Variants in CRYL1 observed in about 807,000 individuals in gnomAD.
CRYL1 encodes the protein lambda-crystallin homolog.
CRYL1 carries 29 observed loss-of-function variants against 36.6 expected under a neutral mutation model. The observed-to-expected ratio is 0.79, with a 90% CI of 0.59 to 1.08. The LOEUF is 1.08. Ranked by LOEUF, CRYL1 falls within the 50% of genes least tolerant of loss-of-function variation. CRYL1 has a pLI of 0.00. For missense variants in CRYL1, 411 were observed against 407.9 expected (o/e 1.01, Z -0.06); for synonymous variants, 152 against 151.5 (o/e 1.00, Z -0.02).
chr13:20,404,374 C>G (rs562206670), intron 7 of CRYL1, 132 bp from the exon 8 acceptor site: 2 of 650,010 alleles, frequency 3.1e-6, no homozygotes, highest in South Asian at 3.8e-5. Flanking sequence ...CCTCAATGAA[C>G]AGCAGCTTTC....
intron 4 of CRYL1, 71 bp downstream of exon 4, chr13:20,439,522 A>AAAAAAAAT: frequency 3.2e-6 from 3 of 937,872 alleles, no homozygotes; most frequent in Non-Finnish European, 3.0e-6. Context: ...CGCAAAAAAA[A>AAAAAAAAT]AAAAAAAAGA....
At chr13:20,450,917 T>A (rs898451048) in intron 3 of CRYL1, among the ~76,000 whole-genome samples, 26 of 152,168 alleles carry the variant, frequency 1.7e-4, no homozygotes, top group African/African-American at 6.0e-4. Flanking sequence ...TGTAGGGACA[T>A]GGATGAAGCT....
Position 20,525,840 on chromosome 13 carries a change from G to A in CRYL1, c.-46C>T, listed in dbSNP as rs1353745823. 4 of 1,211,014 alleles carry A rather than the reference G, an allele frequency of 3.3e-6. No homozygotes were observed. Among genetic ancestry groups the A allele is most frequent in the Admixed American group, 8.7e-5 (2 of 22,910 alleles). The allele number at this position is 1,211,014 out of a possible 1,614,324, so 75.0% of individuals were successfully genotyped here. On this transcript the variant is annotated 5_prime_UTR_variant, in exon 1 of 8. Coordinates refer to ENST00000298248, the MANE Select transcript of CRYL1 (RefSeq NM_015974.3). The surrounding 1 kb of genome is among the most constrained non-coding windows in gnomAD (Gnocchi z 4.3). ...GCCGCGGGCGCTGGGACCAGGCGCC[G>A]GCGGAGCTGCGAGCTCTGGGCTCCG...
At chr13:20,440,871 G>A (rs750598293) in intron 3 of CRYL1, among the ~76,000 whole-genome samples, 8 of 152,180 alleles carry the variant, frequency 5.3e-5, no homozygotes, top group Admixed American at 2.0e-4. Flanking sequence ...ACCGCTCTGA[G>A]ATTCTAATTA....
chr13:20,492,296 G>C (rs1427138165), intron 2 of CRYL1, among the ~76,000 whole-genome samples: 3 of 152,172 alleles, frequency 2.0e-5, no homozygotes, highest in Non-Finnish European at 4.4e-5. Flanking sequence ...CGTGTCAAAT[G>C]AGTCAATTGT....
At chr13:20,492,110 G>A (rs1400258547) in intron 2 of CRYL1, among the ~76,000 whole-genome samples, 4 of 152,148 alleles carry the variant, frequency 2.6e-5, no homozygotes, top group Non-Finnish European at 5.9e-5. Context: ...AGCATCAACA[G>A]CACTCAGCAC....
chr13:20,409,159 T>A (rs2031454887), intron 6 of CRYL1, among the ~76,000 whole-genome samples: 2 of 151,560 alleles, frequency 1.3e-5, no homozygotes, highest in Non-Finnish European at 2.9e-5. Context: ...GAGATATAGA[T>A]CAATGGAACA....
intron 1 of CRYL1, among the ~76,000 whole-genome samples, chr13:20,518,291 G>T (rs952576311): frequency 4.6e-5 from 7 of 152,166 alleles, no homozygotes; most frequent in African/African-American, 1.7e-4. Flanking sequence ...GGGGAGTAGG[G>T]ACTGAGAGGC....
chr13:20,430,213 T>A (rs2032027430), intron 5 of CRYL1: 1 of 984,406 alleles, frequency 1.0e-6, no homozygotes, highest in African/African-American at 1.7e-5. Context: ...TCTTCTAGAC[T>A]TTCACCAAGG....
intron 3 of CRYL1, among the ~76,000 whole-genome samples, chr13:20,442,176 A>G (rs2032365751): frequency 6.6e-6 from 1 of 152,246 alleles, no homozygotes; most frequent in South Asian, 2.1e-4. Flanking sequence ...CCTGTCATGC[A>G]GATTCTCCCT....
intron 6 of CRYL1, among the ~76,000 whole-genome samples, chr13:20,412,117 T>A (rs1260375016): frequency 6.6e-6 from 1 of 152,024 alleles, no homozygotes; most frequent in African/African-American, 2.4e-5. Context: ...GGCAACCACA[T>A]CCCCTTTTCA....
chr13:20,449,169 A>C (rs958199793), intron 3 of CRYL1, among the ~76,000 whole-genome samples: 2 of 152,224 alleles, frequency 1.3e-5, no homozygotes, highest in Non-Finnish European at 2.9e-5. Context: ...CTCACACTAG[A>C]AATGAAATAA....
At position 20,415,544 on chromosome 13, in the gene CRYL1, A is replaced by C. The variant is rs1050074995; in HGVS notation, c.634-2157T>G. Among the ~76,000 whole-genome samples the C allele has an allele frequency of 6.6e-6, 1 of 152,186 alleles. No homozygotes were observed. The highest frequency in any genetic ancestry group is 1.5e-5 in the Non-Finnish European group (1 of 68,020). On this transcript the variant is annotated intron_variant, in intron 5 of 7. Transcript: ENST00000298248. The surrounding 1 kb of genome is among the most constrained non-coding windows in gnomAD (Gnocchi z 4.1). ...GCCACCACCGGCGAGGGCGAGGGCC[A>C]GGGCCACTCACTGTGACCCGCGACT... is the stretch of plus-strand genomic sequence containing the variant.
chr13:20,416,401 G>A (rs2031666022), intron 5 of CRYL1, among the ~76,000 whole-genome samples: 1 of 152,222 alleles, frequency 6.6e-6, no homozygotes, highest in Non-Finnish European at 1.5e-5. Flanking sequence ...GTGGAACACA[G>A]GCATTGTCGC....
At chr13:20,519,363 A>G (rs2034056506) in intron 1 of CRYL1, among the ~76,000 whole-genome samples, 1 of 152,126 alleles carries the variant, frequency 6.6e-6, no homozygotes, top group Non-Finnish European at 1.5e-5. Context: ...ACAAGAGCAG[A>G]TTTGTGGGAT....
chr13:20,447,983 T>C (rs2032493273), intron 3 of CRYL1, among the ~76,000 whole-genome samples: 1 of 152,014 alleles, frequency 6.6e-6, no homozygotes, highest in African/African-American at 2.4e-5. Flanking sequence ...CCCGAGAAAG[T>C]GATCTTTCAA....
intron 2 of CRYL1, among the ~76,000 whole-genome samples, chr13:20,498,140 C>T (rs374273095): frequency 4.6e-5 from 7 of 151,008 alleles, no homozygotes; most frequent in East Asian, 1.9e-4. Context: ...TACATACACA[C>T]CACACATACA....
In CRYL1 at chr13:20,413,915, C is replaced by T. The variant is rs182319514; in HGVS notation, c.634-528G>A. On this transcript the variant is annotated intron_variant, in intron 5 of 7. Transcript: ENST00000298248. ...AATGGCTTGGCGTGGTGGCTCACAC[C>T]TGTAATCCCAGCACTTTCGGAGGCT... Among the ~76,000 whole-genome samples, 276 of 152,270 alleles carry T rather than the reference C, an allele frequency of 1.8e-3. 1 individual carries two copies. The highest frequency in any genetic ancestry group is 6.8e-3 in the Middle Eastern group (2 of 294).
At chr13:20,416,117 C>T (rs1471094550) in intron 5 of CRYL1, among the ~76,000 whole-genome samples, 1 of 152,052 alleles carries the variant, frequency 6.6e-6, no homozygotes, top group Non-Finnish European at 1.5e-5. Flanking sequence ...GCCTCAGCCT[C>T]GCCACGCTTG....
Sources: gnomAD v4.1 joint callset for allele counts (sites outside exome capture counted in the v4.1 genomes callset) on GRCh38, gnomAD v4.1.1 for gene constraint, Gnocchi (gnomAD v3.1) non-coding constraint, MANE v1.5 for transcripts, NCBI Gene and HGNC (gene_info 2026-07-23, HGNC 2026-07-21) for gene names.